The following PPME1 variants were observed in gnomAD, a reference collection of about 807,000 sequenced individuals.
PPME1 encodes the protein protein phosphatase methylesterase 1, also known as testicular secretory protein Li 39.
A neutral mutation model predicts 56.9 loss-of-function variants in PPME1; 17 were observed. The observed-to-expected ratio is 0.30, with a 90% CI of 0.20 to 0.45. PPME1 has a LOEUF of 0.45. Among genes scored for constraint, PPME1 ranks in the 20% least tolerant of loss-of-function variants. The pLI is 1.00. For missense variants in PPME1, 357 were observed against 483.2 expected (o/e 0.74, Z 2.45); for synonymous variants, 122 against 156.2 (o/e 0.78, Z 1.63).
At chr11:74,214,687 G>GAAA (rs138912850) in intron 3 of PPME1, among the ~76,000 whole-genome samples, 3 of 146,124 alleles carry the variant, frequency 2.1e-5, no homozygotes, top group African/African-American at 7.8e-5. Flanking sequence ...AATGCTGAAG[G>GAAA]GAAAAAAAAA....
Position 74,203,692 on chromosome 11 carries a change from A to C in PPME1, c.102-36A>C, listed in dbSNP as rs368312393. 3.9e-6 allele frequency: 6 copies of C among 1,543,744 alleles called. No homozygotes were observed. In the African/African-American group the frequency reaches 8.2e-5, roughly 21 times the overall value. ...CCAAGATTTTATCTCTTTATGCATA[A>C]TTTTTCTGAAATGTCTCTCTCTTTT... On this transcript the variant is annotated intron_variant, in intron 1 of 13. Coordinates refer to ENST00000328257, the MANE Select transcript of PPME1 (RefSeq NM_016147.3).
intron 3 of PPME1, among the ~76,000 whole-genome samples, chr11:74,208,650 A>C (rs1034421233): frequency 4.6e-5 from 7 of 152,238 alleles, no homozygotes; most frequent in Admixed American, 1.3e-4. Context: ...ATTCAACAAA[A>C]GATGTAAGGT....
intron 10 of PPME1, 131 bp from the exon 11 acceptor site, chr11:74,246,948 A>AGTAT: frequency 1.3e-6 from 1 of 758,028 alleles, no homozygotes; most frequent in Non-Finnish European, 2.2e-6. Context: ...TGGTGGTGAG[A>AGTAT]GTATGCTCTG....
At chr11:74,226,348 T>G (rs1383266669) in intron 5 of PPME1, among the ~76,000 whole-genome samples, 1 of 152,170 alleles carries the variant, frequency 6.6e-6, no homozygotes, top group Non-Finnish European at 1.5e-5. Context: ...GTCAGTAGAT[T>G]GAATTTATGA....
chr11:74,207,623 T>C (rs12284595), intron 3 of PPME1, among the ~76,000 whole-genome samples: 2,743 of 152,316 alleles, frequency 0.018, 92 homozygotes, highest in African/African-American at 0.063. Flanking sequence ...AGTAGTCAAG[T>C]TTATCATATA....
At chr11:74,175,417 C>G (rs1284408016) in intron 1 of PPME1, among the ~76,000 whole-genome samples, 1 of 152,150 alleles carries the variant, frequency 6.6e-6, no homozygotes, top group African/African-American at 2.4e-5. Context: ...AGGAGAATCA[C>G]TTGAACCTGG....
chr11:74,250,297 C>G (rs946059332), intron 11 of PPME1: 5 of 152,128 alleles, frequency 3.3e-5, no homozygotes, highest in African/African-American at 1.2e-4. Context: ...CAATCATTGT[C>G]GCATTAGTTA....
At chr11:74,250,812 A>G (rs1422815880) in intron 11 of PPME1, 142 bp from the exon 12 acceptor site, 4 of 660,172 alleles carry the variant, frequency 6.1e-6, no homozygotes. Context: ...CATCCTCAGC[A>G]AGACTTGATA....
At chr11:74,184,039 C>T (rs183857747) in intron 1 of PPME1, among the ~76,000 whole-genome samples, 150 of 152,230 alleles carry the variant, frequency 9.9e-4, no homozygotes, top group African/African-American at 3.4e-3. Flanking sequence ...AAAATGAACT[C>T]GTGCCCTATT....
chr11:74,205,466 G>C (rs1858303157), intron 3 of PPME1: 1 of 152,222 alleles, frequency 6.6e-6, no homozygotes, highest in Admixed American at 6.5e-5. Context: ...TTTACCACTA[G>C]AGAGCCTGAA....
chr11:74,205,582 G>A (rs1245073963), intron 3 of PPME1: 1 of 152,122 alleles, frequency 6.6e-6, no homozygotes, highest in African/African-American at 2.4e-5. Flanking sequence ...CTGGCAGCGG[G>A]GATTATTGGG....
chr11:74,171,899 A>G (rs1167291751), intron 1 of PPME1, among the ~76,000 whole-genome samples: 1 of 152,074 alleles, frequency 6.6e-6, no homozygotes, highest in Non-Finnish European at 1.5e-5. Flanking sequence ...ACTGAGAGAA[A>G]AGTTGAGGGG....
At chr11:74,186,914 T>G (rs1470898306) in intron 1 of PPME1, among the ~76,000 whole-genome samples, 4 of 152,214 alleles carry the variant, frequency 2.6e-5, no homozygotes, top group Non-Finnish European at 5.9e-5. Context: ...CATTTTGAGT[T>G]AATTTTTATG....
intron 1 of PPME1, among the ~76,000 whole-genome samples, chr11:74,193,440 A>T (rs1466962489): frequency 6.6e-6 from 1 of 152,266 alleles, no homozygotes; most frequent in Non-Finnish European, 1.5e-5. Flanking sequence ...CATCTCCAGG[A>T]TATCTCATTG....
At chr11:74,197,706 A>G (rs1858025618) in intron 1 of PPME1, among the ~76,000 whole-genome samples, 2 of 152,250 alleles carry the variant, frequency 1.3e-5, no homozygotes, top group South Asian at 2.1e-4. Context: ...AGAATGCAGT[A>G]TCTCCTAATT....
intron 1 of PPME1, among the ~76,000 whole-genome samples, chr11:74,192,766 C>T (rs922706920): frequency 5.9e-5 from 9 of 152,106 alleles, no homozygotes; most frequent in African/African-American, 1.9e-4. Context: ...CTTCTGCTCT[C>T]ACCTTGTGAC....
Position 74,203,783 on chromosome 11 carries a change from A to T in PPME1, c.157A>T (p.Met53Leu). 6.2e-7 allele frequency: 1 copy of T among 1,612,526 alleles called. No homozygotes were observed. The highest frequency in any genetic ancestry group is 8.5e-7 in the Non-Finnish European group (1 of 1,179,132). Residue 53 changes from methionine (M) to leucine (L), a missense_variant, in exon 2 of 14, where the codon ATG becomes TTG. By Grantham distance (15) the Met-to-Leu change is conservative. This residue lies in a region of PPME1 where 175 missense variants were observed against 189.4 expected (regional missense o/e 0.92). Transcript: ENST00000328257. ...TCCTTGGAGTCAGTATTTTGAGTCCATGGAAGATGTAGAAGTAGAGAATGA... is the reference window on the plus strand; with the variant it reads ...TCCTTGGAGTCAGTATTTTGAGTCCTTGGAAGATGTAGAAGTAGAGAATGA... ...PVPWSQYFES[M>L]EDVEVENETG... is the part of the protein sequence containing the mutation.
Position 74,222,205 on chromosome 11 carries a change from G to C in PPME1, c.289-107G>C, listed in dbSNP as rs191175220. On this transcript the variant is annotated intron_variant, in intron 3 of 13. Coordinates refer to ENST00000328257, the MANE Select transcript of PPME1 (RefSeq NM_016147.3). ...AACTAGAAAGTCTTTTGATTCTCTT[G>C]GGTCCTTTGAATTTTGATGGCAGTT... is the stretch of plus-strand genomic sequence containing the variant. The C allele has an allele frequency of 1.6e-4, 127 of 803,416 alleles. No homozygotes were observed. In the Admixed American group the frequency reaches 2.7e-3, roughly 17 times the overall value. 49.8% of individuals were successfully genotyped at this position (803,416 alleles called of 1,614,324 possible). A position where few individuals can be genotyped will look rare whatever the true frequency, so the allele number is the denominator to read the frequency against.
chr11:74,247,211 G>C, intron 11 of PPME1, 88 bp downstream of exon 11: 1 of 1,224,114 alleles, frequency 8.2e-7, no homozygotes, highest in African/African-American at 1.5e-5. Context: ...GAGGTATAAC[G>C]GAGAAAGCAT....
Sources: allele counts gnomAD v4.1 joint callset (sites outside exome capture counted in the v4.1 genomes callset), GRCh38; gene constraint gnomAD v4.1.1; regional missense constraint gnomAD v4.1.1; transcripts MANE v1.5; gene names NCBI Gene and HGNC (gene_info 2026-07-23, HGNC 2026-07-21).